Variants in SCN8A observed in about 807,000 individuals in gnomAD.
SCN8A encodes the protein sodium channel protein type 8 subunit alpha.
A neutral mutation model predicts 184.1 loss-of-function variants in SCN8A; 30 were observed. The observed-to-expected ratio is 0.16, with a 90% CI of 0.12 to 0.22. The LOEUF is 0.22. Ranked by LOEUF, SCN8A falls within the 10% of genes least tolerant of loss-of-function variation. The probability of loss-of-function intolerance (pLI) is 1.00; values close to 1 mark genes in which losing one functional copy is unlikely to be tolerated. For synonymous variants in SCN8A, 852 were observed against 907.0 expected (o/e 0.94, Z 1.09); for missense variants, 1,057 against 2,498.9 (o/e 0.42, Z 12.30).
At chr12:51,656,357 TA>T (rs1940821221) in intron 1 of SCN8A, among the ~76,000 whole-genome samples, 1 of 152,078 alleles carries the variant, frequency 6.6e-6, no homozygotes, top group Non-Finnish European at 1.5e-5. Flanking sequence ...ATAAAGATTG[TA>T]AAACAAAGGA....
chr12:51,702,030 A>G (rs777158778), intron 8 of SCN8A, among the ~76,000 whole-genome samples: 1 of 152,152 alleles, frequency 6.6e-6, no homozygotes, highest in Non-Finnish European at 1.5e-5. Context: ...CAAATGATTA[A>G]GAGGAACTTC....
At chr12:51,668,326 T>G (rs1941072711) in intron 2 of SCN8A, among the ~76,000 whole-genome samples, 1 of 152,208 alleles carries the variant, frequency 6.6e-6, no homozygotes, top group South Asian at 2.1e-4. Flanking sequence ...ATCATCTAGT[T>G]CATCCTCCTC....
intron 2 of SCN8A, among the ~76,000 whole-genome samples, chr12:51,667,495 C>T (rs768938976): frequency 7.2e-5 from 11 of 151,836 alleles, no homozygotes; most frequent in African/African-American, 1.9e-4. Context: ...TAGGATCATA[C>T]GCATGCGCCA....
chr12:51,745,877 T>A, intron 12 of SCN8A, 26 bp from the exon 13 acceptor site: 1 of 1,541,268 alleles, frequency 6.5e-7, no homozygotes, highest in Non-Finnish European at 8.7e-7. Context: ...CTCACTCTAT[T>A]TGCTTTTCTT....
intron 1 of SCN8A, among the ~76,000 whole-genome samples, chr12:51,632,984 A>G (rs1485873009): frequency 6.6e-6 from 1 of 152,146 alleles, no homozygotes; most frequent in Non-Finnish European, 1.5e-5. Context: ...TCTGATCTAT[A>G]CAATAAGAAT....
At chr12:51,745,342 C>CAGAT (rs1942492863) in intron 12 of SCN8A, among the ~76,000 whole-genome samples, 1 of 152,146 alleles carries the variant, frequency 6.6e-6, no homozygotes, top group Non-Finnish European at 1.5e-5. Flanking sequence ...AGATCTGGAG[C>CAGAT]AGATCTTCAA....
At chr12:51,683,017 C>A (rs2138706084) in intron 2 of SCN8A, among the ~76,000 whole-genome samples, 1 of 152,308 alleles carries the variant, frequency 6.6e-6, no homozygotes, top group Non-Finnish European at 1.5e-5. Context: ...AAAGCCCCTT[C>A]CAAATATTAG....
At chr12:51,769,509 G>A (rs1001586408) in intron 17 of SCN8A, among the ~76,000 whole-genome samples, 174 bp downstream of exon 17, 1 of 152,102 alleles carries the variant, frequency 6.6e-6, no homozygotes, top group African/African-American at 2.4e-5. Flanking sequence ...TAAATGAGGT[G>A]GAATCCTAAG....
chr12:51,772,341 G>A (rs1330453116), intron 19 of SCN8A, among the ~76,000 whole-genome samples: 1 of 151,604 alleles, frequency 6.6e-6, no homozygotes, highest in Admixed American at 6.6e-5. Flanking sequence ...GTTGCAGTGT[G>A]CCGAGATTGC....
At position 51,765,805 on chromosome 12, in the gene SCN8A, G is replaced by C; in HGVS notation, c.2679G>C (p.Gly893=). The C allele has an allele frequency of 6.2e-7, 1 of 1,614,026 alleles. No homozygotes were observed. The highest frequency in any genetic ancestry group is 8.5e-7 in the Non-Finnish European group (1 of 1,179,970). The change falls in exon 16 of 27, where the codon GGG becomes GGC. Residue 893 remains glycine (G), a synonymous_variant. Transcript: ENST00000627620. The part of the protein sequence containing the change: ...AIIVFIFAVV[G]MQLFGKSYKE... ...TTGTCTTCATCTTTGCCGTGGTGGG[G>C]ATGCAACTCTTTGGAAAAAGCTACA...
chr12:51,745,796 A>T (rs1300234028), intron 12 of SCN8A, 107 bp from the exon 13 acceptor site: 1 of 871,468 alleles, frequency 1.1e-6, no homozygotes, highest in Non-Finnish European at 1.6e-6. Context: ...GATCAAAGTT[A>T]AAGACTGTAA....
chr12:51,703,237 TTTTTGTTTTGTTTTG>T (rs5798183), intron 9 of SCN8A, among the ~76,000 whole-genome samples: 3 of 150,006 alleles, frequency 2.0e-5, no homozygotes, highest in Non-Finnish European at 4.4e-5. Flanking sequence ...GGGTTTGTTT[TTTTTGTTTTGTTTTG>T]TTTTGTTTTG....
At chr12:51,790,321 G>A (rs932033931) in intron 24 of SCN8A, 77 bp from the exon 25 acceptor site, 1 of 984,826 alleles carries the variant, frequency 1.0e-6, no homozygotes, top group South Asian at 1.6e-5. Context: ...TCAGTTCTCA[G>A]TATTGAACCT....
chr12:51,778,879 T>TTAAGA (rs1176849748), intron 20 of SCN8A, among the ~76,000 whole-genome samples: 2 of 152,174 alleles, frequency 1.3e-5, no homozygotes, highest in African/African-American at 4.8e-5. Context: ...TAAGAGCTGT[T>TTAAGA]GATGGAAATA....
rs558180022 is a variant in SCN8A, at chr12:51,605,946, G to A, written c.-55+14587G>A. On this transcript the variant is annotated intron_variant, in intron 1 of 26. Coordinates refer to ENST00000627620, the MANE Select transcript of SCN8A (RefSeq NM_001330260.2). Reference sequence around the variant, plus strand: ...AGCCCACTTTTTGATGGGATTGTTTGTTTTTTTTCTTACTGATTTGTTTGA... The same window carrying A: ...AGCCCACTTTTTGATGGGATTGTTTATTTTTTTTCTTACTGATTTGTTTGA... Among the ~76,000 whole-genome samples, 18 of 151,696 alleles carry A rather than the reference G, an allele frequency of 1.2e-4. No homozygotes were observed. The South Asian group carries it at 3.8e-3, about 32-fold the overall frequency.
At chr12:51,716,684 A>G (rs986473551) in intron 11 of SCN8A, among the ~76,000 whole-genome samples, 4 of 152,280 alleles carry the variant, frequency 2.6e-5, no homozygotes, top group African/African-American at 9.6e-5. Context: ...AGGGGCCATG[A>G]GTACCTGAGT....
chr12:51,713,120 T>A (rs1476434298), intron 11 of SCN8A: 2 of 1,242,810 alleles, frequency 1.6e-6, no homozygotes, highest in Admixed American at 3.4e-5. Flanking sequence ...TTTTTTCCAC[T>A]CTGCCTCTCT....
chr12:51,770,461 TGGA>T, intron 18 of SCN8A, 65 bp from the exon 19 acceptor site: 2 of 1,473,928 alleles, frequency 1.4e-6, no homozygotes, highest in Admixed American at 2.2e-5. Flanking sequence ...GCCTGGGAGA[TGGA>T]GGAGAGGGCA....
At chr12:51,640,613 G>A (rs1940431893) in intron 1 of SCN8A, among the ~76,000 whole-genome samples, 1 of 152,160 alleles carries the variant, frequency 6.6e-6, no homozygotes. Context: ...ATTAGACACA[G>A]CAGAGAACGT....
Sources: gnomAD v4.1 joint callset for allele counts (sites outside exome capture counted in the v4.1 genomes callset) on GRCh38, gnomAD v4.1.1 for gene constraint, MANE v1.5 for transcripts, NCBI Gene and HGNC (gene_info 2026-07-23, HGNC 2026-07-21) for gene names.